Variants in SORCS2 observed in about 807,000 individuals in gnomAD.
The protein encoded by SORCS2 is VPS10 domain-containing receptor SorCS2.
A neutral mutation model predicts 141.6 loss-of-function variants in SORCS2; 100 were observed. That is an observed-to-expected ratio of 0.71 (90% CI 0.60 to 0.83). The LOEUF (loss-of-function observed/expected upper bound fraction) is 0.83. Ranked by LOEUF, SORCS2 falls within the 40% of genes least tolerant of loss-of-function variation. The pLI is 0.00. For missense variants in SORCS2, 1,646 were observed against 1,560.2 expected, an observed-to-expected ratio of 1.05 and a Z score of -0.93; for synonymous variants, 789 against 676.9, an observed-to-expected ratio of 1.17 and a Z score of -2.57.
intron 1 of SORCS2, among the ~76,000 whole-genome samples, chr4:7,262,589 T>C (rs1472103723): frequency 2.0e-5 from 3 of 152,120 alleles, no homozygotes; most frequent in African/African-American, 7.2e-5. Context: ...CTGGTAGCAA[T>C]AGGTTCTATT....
At chr4:7,456,642 G>A (rs938858693) in intron 2 of SORCS2, among the ~76,000 whole-genome samples, 9 of 152,172 alleles carry the variant, frequency 5.9e-5, no homozygotes, top group East Asian at 1.9e-4. Flanking sequence ...AGAGGGTAAC[G>A]CAGGAAGGGG....
intron 1 of SORCS2, among the ~76,000 whole-genome samples, chr4:7,216,248 A>G (rs917919246): frequency 1.3e-5 from 2 of 152,200 alleles, no homozygotes; most frequent in African/African-American, 4.8e-5. Context: ...CGGACACAAA[A>G]GCAGCAGTGA....
intron 3 of SORCS2, 73 bp from the exon 4 acceptor site, chr4:7,638,255 C>T: frequency 6.8e-7 from 1 of 1,466,308 alleles, no homozygotes; most frequent in Non-Finnish European, 9.0e-7. Context: ...CTGGCCCAGG[C>T]CTCACAACAC....
intron 1 of SORCS2, among the ~76,000 whole-genome samples, chr4:7,207,261 G>A (rs1188292745): frequency 1.3e-5 from 2 of 152,152 alleles, no homozygotes; most frequent in East Asian, 1.9e-4. Context: ...ACATCCACAT[G>A]TCCCTTTGAG....
intron 1 of SORCS2, among the ~76,000 whole-genome samples, chr4:7,217,763 C>T (rs1226231491): frequency 6.6e-6 from 1 of 152,204 alleles, no homozygotes; most frequent in African/African-American, 2.4e-5. Flanking sequence ...CTGTTAAATA[C>T]AGCGTGAGGA....
At chr4:7,482,564 G>T (rs1261473448) in intron 2 of SORCS2, among the ~76,000 whole-genome samples, 1 of 82,940 alleles carries the variant, frequency 1.2e-5, no homozygotes, top group Non-Finnish European at 2.2e-5. Flanking sequence ...ACGCTGTTCA[G>T]ACCTGTATCC....
intron 3 of SORCS2, among the ~76,000 whole-genome samples, chr4:7,573,678 C>G (rs1286237671): frequency 6.6e-6 from 1 of 152,136 alleles, no homozygotes; most frequent in South Asian, 2.1e-4. Flanking sequence ...CCACCGCACT[C>G]TGCTTTAAGG....
intron 9 of SORCS2, among the ~76,000 whole-genome samples, chr4:7,677,753 C>A (rs1723256964): frequency 6.6e-6 from 1 of 152,184 alleles, no homozygotes; most frequent in Non-Finnish European, 1.5e-5. Flanking sequence ...CAATAATAAC[C>A]CATTTGTCAG....
intron 3 of SORCS2, among the ~76,000 whole-genome samples, chr4:7,559,268 C>A (rs953587256): frequency 6.6e-6 from 1 of 152,152 alleles, no homozygotes; most frequent in Non-Finnish European, 1.5e-5. Context: ...GACCCTGAAG[C>A]CCCTACAAGC....
intron 1 of SORCS2, among the ~76,000 whole-genome samples, chr4:7,377,326 G>A (rs1296496243): frequency 6.9e-6 from 1 of 144,322 alleles, no homozygotes. Flanking sequence ...AAGCAGATGT[G>A]TTTGCCCAGT....
At chr4:7,586,507 G>A (rs1479964424) in intron 3 of SORCS2, among the ~76,000 whole-genome samples, 1 of 152,050 alleles carries the variant, frequency 6.6e-6, no homozygotes, top group African/African-American at 2.4e-5. Flanking sequence ...GCCTCTATAT[G>A]TGTTATTTCC....
intron 2 of SORCS2, among the ~76,000 whole-genome samples, chr4:7,508,199 G>A (rs1462678713): frequency 6.7e-6 from 1 of 150,088 alleles, no homozygotes; most frequent in African/African-American, 2.5e-5. Flanking sequence ...AGGAAGGGAA[G>A]GGGGAGAAGG....
chr4:7,524,366 C>A (rs1264106467), intron 2 of SORCS2, among the ~76,000 whole-genome samples: 2 of 152,076 alleles, frequency 1.3e-5, no homozygotes, highest in Admixed American at 6.5e-5. Flanking sequence ...CCTGCTAGCA[C>A]CTTGACTTTG....
At chr4:7,730,555 C>T (rs531034277) in intron 23 of SORCS2, among the ~76,000 whole-genome samples, 1 of 152,288 alleles carries the variant, frequency 6.6e-6, no homozygotes, top group South Asian at 2.1e-4. Flanking sequence ...CTTTGACCAC[C>T]AAAAGGAACG....
intron 1 of SORCS2, among the ~76,000 whole-genome samples, chr4:7,274,435 G>A (rs970501444): frequency 1.2e-4 from 19 of 152,154 alleles, no homozygotes; most frequent in African/African-American, 4.3e-4. Flanking sequence ...CATGATGCCG[G>A]GCATCTGCTT....
At chr4:7,331,648 C>T (rs548327988) in intron 1 of SORCS2, among the ~76,000 whole-genome samples, 8 of 152,266 alleles carry the variant, frequency 5.3e-5, no homozygotes, top group South Asian at 4.1e-4. Flanking sequence ...TGTCCACCCA[C>T]GCCCCCGGGG....
chr4:7,604,357 G>A (rs542138021), intron 3 of SORCS2, among the ~76,000 whole-genome samples: 79 of 152,292 alleles, frequency 5.2e-4, no homozygotes, highest in African/African-American at 1.8e-3. Context: ...TCGCTCTGTC[G>A]CCCAGGCTGG....
intron 2 of SORCS2, among the ~76,000 whole-genome samples, chr4:7,470,052 C>T (rs924803631): frequency 3.3e-5 from 5 of 152,300 alleles, no homozygotes; most frequent in African/African-American, 1.2e-4. Flanking sequence ...AGTTCATGGC[C>T]AAGGGAAAAC....
At chr4:7,350,963 C>A (rs73796653) in intron 1 of SORCS2, among the ~76,000 whole-genome samples, 1 of 152,128 alleles carries the variant, frequency 6.6e-6, no homozygotes, top group Non-Finnish European at 1.5e-5. Flanking sequence ...GGAAGGAATG[C>A]GCTCCCTGGG....
Sources: gnomAD v4.1 joint callset for allele counts (sites outside exome capture counted in the v4.1 genomes callset) on GRCh38, gnomAD v4.1.1 for gene constraint, MANE v1.5 for transcripts, NCBI Gene and HGNC (gene_info 2026-07-23, HGNC 2026-07-21) for gene names.